ELMOD1: variants seen among roughly 807,000 people sequenced by gnomAD.
ELMOD1 encodes ELMO domain-containing protein 1.
Under a neutral mutation model 46.7 loss-of-function variants are expected in ELMOD1, and 21 were observed. The observed-to-expected ratio is 0.45, with a 90% CI of 0.32 to 0.65. The LOEUF (loss-of-function observed/expected upper bound fraction) is 0.65, where lower values mean the gene tolerates loss of function less well. Ranked by LOEUF, ELMOD1 falls within the 30% of genes least tolerant of loss-of-function variation. The pLI is 0.04. For missense variants in ELMOD1, 348 were observed against 407.8 expected (o/e 0.85, Z 1.26); for synonymous variants, 122 against 138.2 (o/e 0.88, Z 0.82).
intron 1 of ELMOD1, among the ~76,000 whole-genome samples, chr11:107,611,180 C>T (rs1865774623): frequency 6.6e-6 from 1 of 152,080 alleles, no homozygotes; most frequent in Non-Finnish European, 1.5e-5. Flanking sequence ...AGACAACTGA[C>T]AGAATGGGAG....
At chr11:107,621,237 C>G (rs926752241) in intron 2 of ELMOD1, among the ~76,000 whole-genome samples, 1 of 152,164 alleles carries the variant, frequency 6.6e-6, no homozygotes, top group Non-Finnish European at 1.5e-5. Context: ...CATCTCACCT[C>G]GTTATTTTCC....
intron 2 of ELMOD1, chr11:107,623,716 G>C (rs1263691137): frequency 6.6e-6 from 1 of 152,114 alleles, no homozygotes; most frequent in African/African-American, 2.4e-5. Context: ...TCAACTTTCT[G>C]TTTTTACTGT....
chr11:107,616,525 C>T (rs1013527747), intron 1 of ELMOD1, among the ~76,000 whole-genome samples: 52 of 152,176 alleles, frequency 3.4e-4, no homozygotes, highest in Admixed American at 1.3e-3. Context: ...ACTATAGGCA[C>T]GCACTACCAC....
At chr11:107,613,861 A>G (rs1865818580) in intron 1 of ELMOD1, among the ~76,000 whole-genome samples, 1 of 152,210 alleles carries the variant, frequency 6.6e-6, no homozygotes, top group African/African-American at 2.4e-5. Flanking sequence ...ATTCCTTCTG[A>G]ACTATGGTTT....
intron 2 of ELMOD1, among the ~76,000 whole-genome samples, chr11:107,625,021 C>T (rs897590470): frequency 6.6e-6 from 1 of 152,186 alleles, no homozygotes; most frequent in African/African-American, 2.4e-5. Flanking sequence ...GAACCTCTCC[C>T]CTGCTCTACA....
intron 1 of ELMOD1, among the ~76,000 whole-genome samples, chr11:107,616,454 A>T (rs1865864982): frequency 6.6e-6 from 1 of 152,150 alleles, no homozygotes; most frequent in Admixed American, 6.6e-5. Flanking sequence ...TTCTCGGGTC[A>T]CTGTAACCTC....
chr11:107,623,945 A>C (rs1036204763), intron 2 of ELMOD1: 1 of 152,184 alleles, frequency 6.6e-6, no homozygotes, highest in South Asian at 2.1e-4. Flanking sequence ...ATTTCCCCCC[A>C]ACTTATTTCA....
intron 11 of ELMOD1, among the ~76,000 whole-genome samples, chr11:107,661,226 C>T (rs933403554): frequency 6.6e-6 from 1 of 152,218 alleles, no homozygotes; most frequent in Non-Finnish European, 1.5e-5. Context: ...TCTACCCTTA[C>T]CCAAGCCCTT....
At chr11:107,635,811 A>G in intron 6 of ELMOD1, 46 bp downstream of exon 6, 1 of 1,573,474 alleles carries the variant, frequency 6.4e-7, no homozygotes, top group Non-Finnish European at 8.6e-7. Flanking sequence ...GTCAGCTGAC[A>G]TTTGCCAGGC....
At chr11:107,624,109 A>G (rs1866000992) in intron 2 of ELMOD1, among the ~76,000 whole-genome samples, 1 of 152,154 alleles carries the variant, frequency 6.6e-6, no homozygotes, top group African/African-American at 2.4e-5. Context: ...TCCCCTATAG[A>G]ATATTTTGAA....
intron 10 of ELMOD1, 59 bp from the exon 11 acceptor site, chr11:107,655,874 G>T: frequency 6.5e-7 from 1 of 1,547,890 alleles, no homozygotes. Flanking sequence ...GCATGCTAAT[G>T]GGAAATACTT....
chr11:107,644,483 C>CT (rs1389264095), intron 6 of ELMOD1, among the ~76,000 whole-genome samples: 22 of 150,052 alleles, frequency 1.5e-4, no homozygotes, highest in Admixed American at 4.0e-4. Flanking sequence ...ACTTTTTTTT[C>CT]TTTTTTTTTG....
At chr11:107,634,791 T>C (rs1866199618) in intron 5 of ELMOD1, among the ~76,000 whole-genome samples, 1 of 151,954 alleles carries the variant, frequency 6.6e-6, no homozygotes, top group Non-Finnish European at 1.5e-5. Context: ...AGATGTCCCA[T>C]GAGAGGGAAA....
At chr11:107,656,142 C>T (rs904746048) in intron 11 of ELMOD1, 76 bp downstream of exon 11, 9 of 1,472,270 alleles carry the variant, frequency 6.1e-6, no homozygotes, top group African/African-American at 5.6e-5. Flanking sequence ...AATCCCAGCA[C>T]TTTGGGAGGC....
intron 4 of ELMOD1, 74 bp downstream of exon 4, chr11:107,630,802 A>G: frequency 6.9e-7 from 1 of 1,449,024 alleles, no homozygotes; most frequent in Admixed American, 2.2e-5. Context: ...TAAAAATTCT[A>G]AGAAACCAAA....
chr11:107,645,161 T>C (rs1299233399), intron 6 of ELMOD1, among the ~76,000 whole-genome samples: 1 of 146,740 alleles, frequency 6.8e-6, no homozygotes, highest in Non-Finnish European at 1.5e-5. Context: ...ATGGTCTCGA[T>C]CTCCTGACCT....
chr11:107,615,167 T>A (rs926278847), intron 1 of ELMOD1, among the ~76,000 whole-genome samples: 1 of 151,766 alleles, frequency 6.6e-6, no homozygotes, highest in Admixed American at 6.6e-5. Context: ...AGTTTTAGAT[T>A]TACAGAAAAG....
At chr11:107,659,841 C>T (rs944882416) in intron 11 of ELMOD1, among the ~76,000 whole-genome samples, 7 of 152,148 alleles carry the variant, frequency 4.6e-5, no homozygotes, top group African/African-American at 1.7e-4. Context: ...GCAGGACCAT[C>T]ACTTGAGCCC....
chr11:107,615,039 A>G (rs1329379329), intron 1 of ELMOD1, among the ~76,000 whole-genome samples: 1 of 151,936 alleles, frequency 6.6e-6, no homozygotes, highest in South Asian at 2.1e-4. Flanking sequence ...CTCCCCAAAG[A>G]CTGTTGCATC....
Sources: gnomAD v4.1 joint callset for allele counts (sites outside exome capture counted in the v4.1 genomes callset) on GRCh38, gnomAD v4.1.1 for gene constraint, MANE v1.5 for transcripts, NCBI Gene and HGNC (gene_info 2026-07-23, HGNC 2026-07-21) for gene names.